Variants in TRPV4 observed in about 807,000 individuals in gnomAD.
TRPV4 encodes OSM9-like transient receptor potential channel 4.
A neutral mutation model predicts 84.1 loss-of-function variants in TRPV4; 58 were observed. The ratio of observed to expected loss-of-function variants is 0.69; its 90% CI spans 0.56 to 0.86. TRPV4 has a LOEUF of 0.86. Ranked by LOEUF, TRPV4 falls within the 40% of genes least tolerant of loss-of-function variation. The pLI is 0.00. For missense variants in TRPV4, 879 were observed against 1,181.1 expected (o/e 0.74, Z 3.75); for synonymous variants, 489 against 500.9 (o/e 0.98, Z 0.32).
rs138908076 is a variant in TRPV4, at chr12:109,814,876, G to A, written c.-31-49C>T. On this transcript the variant is annotated intron_variant, in intron 1 of 15. Coordinates refer to ENST00000261740, the MANE Select transcript of TRPV4 (RefSeq NM_021625.5). This position sits in a 1 kb window ranked among gnomAD's most constrained non-coding sequence, Gnocchi z 5.4. The stretch of plus-strand genomic sequence containing the variant: ...CAGGCAGAACCCGGCCAGGGGCGGG[G>A]GCTCCAGGAAGCCCCCTCCCACGTG... 8.2e-5 allele frequency: 125 copies of A among 1,515,296 alleles called. 1 individual carries two copies. The African/African-American group carries it at 1.4e-3, about 17-fold the overall frequency. The allele number at this position is 1,515,296 out of a possible 1,614,324, so 93.9% of individuals were successfully genotyped here. A position where few individuals can be genotyped will look rare whatever the true frequency, so the allele number is the denominator to read the frequency against.
rs1890917584 is a variant in TRPV4 at position 109,803,151 on chromosome 12, G to C, written c.560-8C>G. On this transcript the variant is annotated splice_region_variant and splice_polypyrimidine_tract_variant and intron_variant, in intron 3 of 15. Coordinates refer to ENST00000261740, the MANE Select transcript of TRPV4 (RefSeq NM_021625.5). ...TCTTCCCCGTAGATGGCTCTAGCAA[G>C]AGAGACACACAAGATGACGCAGTGC... The C allele has an allele frequency of 2.5e-6, 4 of 1,613,788 alleles. No individual in the cohort carries two copies. Among genetic ancestry groups the C allele is most frequent in the Middle Eastern group, 1.6e-4 (1 of 6,062 alleles).
In TRPV4 at chr12:109,796,797, G is replaced by C. The variant is rs1406902517; in HGVS notation, c.1153-93C>G. 7.6e-7 allele frequency: 1 copy of C among 1,315,342 alleles called. No individual in the cohort carries two copies. The highest frequency in any genetic ancestry group is 1.0e-6 in the Non-Finnish European group (1 of 967,242). 81.5% of individuals were successfully genotyped at this position (1,315,342 alleles called of 1,614,324 possible). On this transcript the variant is annotated intron_variant, in intron 6 of 15. Transcript: ENST00000261740. The surrounding 1 kb of genome is among the most constrained non-coding windows in gnomAD (Gnocchi z 4.2). ...GCACATGACGCCTCCCCAGAAAACAGCTAAGCACCGGCTGCTGGAGGACCC... is the reference window on the plus strand; with the variant it reads ...GCACATGACGCCTCCCCAGAAAACACCTAAGCACCGGCTGCTGGAGGACCC...
rs1252509184 is a variant in TRPV4, at chr12:109,792,692, CCA to C, written c.1782_1783del (p.Gly595AlafsTer8). The C allele has an allele frequency of 5.6e-6, 9 of 1,614,018 alleles. No individual in the cohort carries two copies. The highest frequency in any genetic ancestry group is 7.6e-6 in the Non-Finnish European group (9 of 1,180,038). ...GCTATAGGTCCCCGTCAGCTTCAGCCCACGGGTGAAGTAAAGGGCATTCATCC... is the reference window on the plus strand; with the variant it reads ...GCTATAGGTCCCCGTCAGCTTCAGCCCGGGTGAAGTAAAGGGCATTCATCC... On this transcript the variant is annotated frameshift_variant, in exon 11 of 16. Coordinates refer to ENST00000261740, the MANE Select transcript of TRPV4 (RefSeq NM_021625.5). LOFTEE classifies it high-confidence loss of function.
In TRPV4 at chr12:109,793,523, TC is replaced by T. The variant is rs1565865055; in HGVS notation, c.1658+3del. On this transcript the variant is annotated splice_donor_region_variant and intron_variant, in intron 10 of 15. Transcript: ENST00000261740. This position sits in a 1 kb window ranked among gnomAD's most constrained non-coding sequence, Gnocchi z 4.0. Reference sequence around the variant, plus strand: ...AAGCTGCCGGCCCAGGGACCTCTACTCACTAGAGCAGCTGGAAGGAGCCATC... The same window carrying T: ...AAGCTGCCGGCCCAGGGACCTCTACTACTAGAGCAGCTGGAAGGAGCCATC... 1 of 1,613,380 alleles carries T rather than the reference TC, an allele frequency of 6.2e-7. No individual in the cohort carries two copies. Among genetic ancestry groups the T allele is most frequent in the Non-Finnish European group, 8.5e-7 (1 of 1,179,596 alleles).
intron 5 of TRPV4, 152 bp downstream of exon 5, chr12:109,800,466 C>CA: frequency 1.0e-6 from 1 of 961,598 alleles, no homozygotes; most frequent in South Asian, 1.6e-5. Context: ...GACCAACGTG[C>CA]AGCCTGTGGT....
rs753813565 is a variant in TRPV4, at chr12:109,814,636, G to A, written c.161C>T (p.Ala54Val). Residue 54 changes from alanine to valine, a missense_variant, in exon 2 of 16, where the codon GCC (alanine) becomes GTC (valine). By Grantham distance (64) the Ala-to-Val change is moderately conservative. Coordinates refer to ENST00000261740, the MANE Select transcript of TRPV4 (RefSeq NM_021625.5). The surrounding 1 kb of genome is among the most constrained non-coding windows in gnomAD (Gnocchi z 5.4). ...ATCGCCTGGGCCAGCAGGGCGACTGGCATCAGCCGGTGAGGGCGAAAGGGA... is the reference window on the plus strand; with the variant it reads ...ATCGCCTGGGCCAGCAGGGCGACTGACATCAGCCGGTGAGGGCGAAAGGGA... Reference protein sequence around the residue: ...DGSLSPSPADASRPAGPGDGR... With the variant: ...DGSLSPSPADVSRPAGPGDGR... 1.9e-6 allele frequency: 3 copies of A among 1,613,846 alleles called. No homozygotes were observed. In the East Asian group the frequency reaches 6.7e-5, roughly 36 times the overall value.
In TRPV4 at chr12:109,806,860, C is replaced by CA. The variant is rs1181923346; in HGVS notation, c.559+1435dup. Among the ~76,000 whole-genome samples, 49 of 45,418 alleles carry CA rather than the reference C, an allele frequency of 1.1e-3. 1 individual carries two copies. Among genetic ancestry groups the CA allele is most frequent in the South Asian group, 3.4e-3 (4 of 1,188 alleles). The allele number at this position is 45,418 out of a possible 152,430, so 29.8% of individuals were successfully genotyped here. On this transcript the variant is annotated intron_variant, in intron 3 of 15. Coordinates refer to ENST00000261740, the MANE Select transcript of TRPV4 (RefSeq NM_021625.5). Reference sequence around the variant, plus strand: ...TGGGTGACAGAATGAGACCCTATCTCAAAAAAAAAAAAGAAAAAAAAAAAA... The same window carrying CA: ...TGGGTGACAGAATGAGACCCTATCTCAAAAAAAAAAAAAGAAAAAAAAAAAA...
rs1417825919 is a variant in TRPV4 at position 109,788,699 on chromosome 12, T to A, written c.1909A>T (p.Asn637Tyr). The A allele has an allele frequency of 1.9e-6, 3 of 1,613,988 alleles. No individual in the cohort carries two copies. Among genetic ancestry groups the A allele is most frequent in the Non-Finnish European group, 2.5e-6 (3 of 1,180,022 alleles). ...CACACCTTCATGTTGGCACACGGGTTCAGGAGGGAGACCAGGGCTGTGGGA... is the reference window on the plus strand; with the variant it reads ...CACACCTTCATGTTGGCACACGGGTACAGGAGGGAGACCAGGGCTGTGGGA... The part of the protein sequence containing the change: ...GYASALVSLL[N>Y]PCANMKVCNE... Residue 637 changes from asparagine to tyrosine, a missense_variant, in exon 13 of 16, where the codon AAC becomes TAC. Physicochemically the swap from Asn to Tyr is moderately radical, Grantham distance 143. Around this residue, in one of 4 missense-constraint regions of TRPV4, gnomAD observed 242 missense variants for 355.3 expected, o/e 0.68. Coordinates refer to ENST00000261740, the MANE Select transcript of TRPV4 (RefSeq NM_021625.5).
At chr12:109,797,965 G>C (rs1890512298) in intron 6 of TRPV4, among the ~76,000 whole-genome samples, 1 of 152,202 alleles carries the variant, frequency 6.6e-6, no homozygotes. Flanking sequence ...GTCACACACT[G>C]GGAAGTGGTA....
intron 2 of TRPV4, among the ~76,000 whole-genome samples, chr12:109,812,982 T>A (rs565933128): frequency 2.0e-4 from 31 of 151,876 alleles, no homozygotes; most frequent in African/African-American, 7.2e-4. Context: ...GATGGATAAA[T>A]GGATGGATGG....
intron 1 of TRPV4, among the ~76,000 whole-genome samples, chr12:109,817,538 C>T (rs1289646427): frequency 1.3e-5 from 2 of 152,230 alleles, no homozygotes; most frequent in Non-Finnish European, 2.9e-5. Context: ...AAAATGGGGG[C>T]TCTGGTGCCA....
intron 1 of TRPV4, among the ~76,000 whole-genome samples, chr12:109,816,794 G>A (rs1011675698): frequency 1.3e-5 from 2 of 152,128 alleles, no homozygotes; most frequent in Admixed American, 6.5e-5. Flanking sequence ...AATACCTCAG[G>A]TAAGTTGCTT....
intron 3 of TRPV4, among the ~76,000 whole-genome samples, chr12:109,806,308 G>C (rs1056211013): frequency 2.0e-5 from 3 of 150,536 alleles, no homozygotes; most frequent in African/African-American, 7.3e-5. Context: ...GATTCTCCTG[G>C]CTCAGCTTCC....
At chr12:109,803,170 G>A (rs781439610) in intron 3 of TRPV4, 27 bp from the exon 4 acceptor site, 16 of 1,612,760 alleles carry the variant, frequency 9.9e-6, no homozygotes, top group Admixed American at 3.3e-5. Flanking sequence ...ACAAGATGAC[G>A]CAGTGCTCCA....
At chr12:109,788,794 G>A in intron 12 of TRPV4, 78 bp from the exon 13 acceptor site, 2 of 1,549,344 alleles carry the variant, frequency 1.3e-6, no homozygotes, top group Non-Finnish European at 1.8e-6. Context: ...CTCATTTGCT[G>A]GAGGAGAAAG....
rs531125295 is a variant in TRPV4, at chr12:109,797,215, G to A, written c.1153-511C>T. On this transcript the variant is annotated intron_variant, in intron 6 of 15. Transcript: ENST00000261740. ...CACCCAGGCTGGAGTGCAGTGGCGC[G>A]ATCTCAGCACACTGCAACCCTCTCC... 1.5e-4 allele frequency among the ~76,000 whole-genome samples: 23 copies of A among 149,556 alleles called. No individual in the cohort carries two copies. In the South Asian group the frequency reaches 1.7e-3, roughly 11 times the overall value.
chr12:109,790,459 G>A (rs116556040), intron 12 of TRPV4, among the ~76,000 whole-genome samples: 50 of 152,318 alleles, frequency 3.3e-4, no homozygotes, highest in African/African-American at 1.2e-3. Flanking sequence ...ATGACATCAC[G>A]AAGAAGGTAT....
chr12:109,796,323 C>G lies in TRPV4; in HGVS notation c.1332+202G>C, dbSNP rs543295076. 7.2e-5 allele frequency among the ~76,000 whole-genome samples: 11 copies of G among 152,306 alleles called. No homozygotes were observed. In the South Asian group the frequency reaches 2.1e-3, roughly 29 times the overall value. On this transcript the variant is annotated intron_variant, in intron 7 of 15. Transcript: ENST00000261740. This position sits in a 1 kb window ranked among gnomAD's most constrained non-coding sequence, Gnocchi z 4.2. ...CTACCTGCCCCAAAAGTCCATCTTC[C>G]CACAAGTCTTGCTCATTTCCTCACA...
chr12:109,792,264 A>AT, intron 12 of TRPV4, 99 bp downstream of exon 12: 15 of 887,436 alleles, frequency 1.7e-5, no homozygotes, highest in Non-Finnish European at 2.4e-5. Context: ...AAAAAAAAAA[A>AT]AGAACTCAGC....
Sources: allele counts gnomAD v4.1 joint callset (sites outside exome capture counted in the v4.1 genomes callset), GRCh38; gene constraint gnomAD v4.1.1; regional missense constraint gnomAD v4.1.1; non-coding constraint Gnocchi (gnomAD v3.1); transcripts MANE v1.5; gene names NCBI Gene and HGNC (gene_info 2026-07-23, HGNC 2026-07-21).